The following PIP5KL1 variants were observed in gnomAD, a reference collection of about 807,000 sequenced individuals.
PIP5KL1 encodes phosphatidylinositol 4-phosphate 5-kinase-like protein 1.
PIP5KL1 carries 45 observed loss-of-function variants against 47.6 expected under a neutral mutation model. That is an observed-to-expected ratio of 0.94 (90% CI 0.74 to 1.21). PIP5KL1 has a LOEUF of 1.21. PIP5KL1 is among the 50% of genes most tolerant of loss of function. The pLI is 0.00. For missense variants in PIP5KL1, 577 were observed against 547.6 expected, an observed-to-expected ratio of 1.05 and a Z score of -0.54; for synonymous variants, 256 against 234.6, an observed-to-expected ratio of 1.09 and a Z score of -0.84.
intron 7 of PIP5KL1, among the ~76,000 whole-genome samples, 159 bp from the exon 8 acceptor site, chr9:127,926,138 TTCTC>T (rs1190425172): frequency 6.6e-6 from 1 of 151,814 alleles, no homozygotes; most frequent in Non-Finnish European, 1.5e-5. Context: ...CTTTCTTTCT[TTCTC>T]TCTTTTCTTT....
chr9:127,928,003 A>G (rs1831388174), intron 4 of PIP5KL1, 62 bp downstream of exon 4: 1 of 1,471,944 alleles, frequency 6.8e-7, no homozygotes, highest in East Asian at 2.5e-5. Flanking sequence ...GCCACTGGGA[A>G]TTCTGCCCTC....
At position 127,927,932 on chromosome 9, in the gene PIP5KL1, A is replaced by G. The variant is rs1003387196; in HGVS notation, c.434+133T>C. On this transcript the variant is annotated intron_variant, in intron 4 of 9. Transcript: ENST00000388747. The surrounding 1 kb of genome is among the most constrained non-coding windows in gnomAD (Gnocchi z 5.5). The stretch of plus-strand genomic sequence containing the variant: ...TCCTCTCCTCCCCGATCTGTCCACC[A>G]TCCGGCCCTGACCCTCCCAGATTAG... 3.4e-6 allele frequency: 5 copies of G among 1,452,800 alleles called. No homozygotes were observed. The highest frequency in any genetic ancestry group is 1.4e-5 in the African/African-American group (1 of 69,080). 90.0% of individuals were successfully genotyped at this position (1,452,800 alleles called of 1,614,324 possible).
intron 2 of PIP5KL1, chr9:127,928,737 G>A (rs1831398407): frequency 5.4e-6 from 3 of 556,186 alleles, no homozygotes; most frequent in South Asian, 4.2e-5. Flanking sequence ...CCAGCACCAG[G>A]CCATGAGTTC....
Position 127,927,711 on chromosome 9 carries a change from G to C in PIP5KL1, c.496C>G (p.His166Asp), listed in dbSNP as rs1298322498. ...GRREVQALLA[H>D]LPRYVQHLQR... ...AGGTGCTGCACGTAGCGGGGCAGGT[G>C]GGCGAGCAGAGCCTGCACCTCTCGG... Residue 166 changes from histidine (H) to aspartate (D), a missense_variant, in exon 5 of 10, where the codon CAC becomes GAC. Transcript: ENST00000388747. The surrounding 1 kb of genome is among the most constrained non-coding windows in gnomAD (Gnocchi z 5.5). The C allele has an allele frequency of 6.5e-7, 1 of 1,549,726 alleles. No individual in the cohort carries two copies. Among genetic ancestry groups the C allele is most frequent in the Admixed American group, 2.0e-5 (1 of 50,752 alleles).
At position 127,925,976 on chromosome 9, in the gene PIP5KL1, A is replaced by G. The variant is rs1379559829; in HGVS notation, c.654T>C (p.Tyr218=). The change falls in exon 8 of 10, where the codon TAT becomes TAC. Residue 218 remains tyrosine, a synonymous_variant. Transcript: ENST00000388747. ...FYPAGRISER[Y]DIKGCEVSRW... ...GGCTCACCTCGCAGCCTTTGATGTCATACCTGGGTGGGGGGACAGAATTCA... is the reference window on the plus strand; with the variant it reads ...GGCTCACCTCGCAGCCTTTGATGTCGTACCTGGGTGGGGGGACAGAATTCA... The G allele has an allele frequency of 1.2e-5, 19 of 1,608,868 alleles. No individual in the cohort carries two copies. The highest frequency in any genetic ancestry group is 1.5e-5 in the Non-Finnish European group (18 of 1,176,548).
At chr9:127,922,742 GAAAGA>G (rs1831306641) in intron 9 of PIP5KL1, among the ~76,000 whole-genome samples, 1 of 138,676 alleles carries the variant, frequency 7.2e-6, no homozygotes, top group South Asian at 2.4e-4. Context: ...GAAAAGAAAA[GAAAGA>G]AAAGAAAAAA....
chr9:127,924,368 T>A (rs1831329078), intron 9 of PIP5KL1, among the ~76,000 whole-genome samples: 1 of 151,814 alleles, frequency 6.6e-6, no homozygotes, highest in Non-Finnish European at 1.5e-5. Flanking sequence ...TGTGTGCCTG[T>A]AATCCCAGCT....
At chr9:127,925,510 G>A (rs529958785) in intron 8 of PIP5KL1, 9 of 505,844 alleles carry the variant, frequency 1.8e-5, no homozygotes, top group Admixed American at 3.5e-5. Flanking sequence ...CTGTCGCACA[G>A]GCTGGAGTGC....
In PIP5KL1 at chr9:127,927,645, T is replaced by C. The variant is rs1021092595; in HGVS notation, c.559+3A>G. On this transcript the variant is annotated splice_donor_region_variant and intron_variant, in intron 5 of 9. Coordinates refer to ENST00000388747, the MANE Select transcript of PIP5KL1 (RefSeq NM_001135219.2). The surrounding 1 kb of genome is among the most constrained non-coding windows in gnomAD (Gnocchi z 5.5). ...CCACCGAGCCCCGCCCCCAGCCAAGTACCCAGCAACCGCGCCAGCAGCGAG... is the reference window on the plus strand; with the variant it reads ...CCACCGAGCCCCGCCCCCAGCCAAGCACCCAGCAACCGCGCCAGCAGCGAG... The C allele has an allele frequency of 4.9e-5, 75 of 1,531,330 alleles. No individual in the cohort carries two copies. Among genetic ancestry groups the C allele is most frequent in the Non-Finnish European group, 6.5e-5 (74 of 1,144,288 alleles). 94.9% of individuals were successfully genotyped at this position (1,531,330 alleles called of 1,614,324 possible). A position where few individuals can be genotyped will look rare whatever the true frequency, so the allele number is the denominator to read the frequency against.
At chr9:127,923,814 G>A (rs1423210067) in intron 9 of PIP5KL1, among the ~76,000 whole-genome samples, 1 of 152,218 alleles carries the variant, frequency 6.6e-6, no homozygotes, top group Non-Finnish European at 1.5e-5. Context: ...GTGGGCCTGA[G>A]GGAACTGAAA....
In PIP5KL1 at chr9:127,928,448, T is replaced by C; in HGVS notation, c.264A>G (p.Leu88=). 6.2e-7 allele frequency: 1 copy of C among 1,600,668 alleles called. No homozygotes were observed. Residue 88 remains leucine (L), a synonymous_variant, in exon 3 of 10, where the codon CTA becomes CTG. Transcript: ENST00000388747. ...GGCCTCCTACCTCGTGAACCTGGGTTAGGACCTCCGAGAAATCGTCCCGGG... is the reference window on the plus strand; with the variant it reads ...GGCCTCCTACCTCGTGAACCTGGGTCAGGACCTCCGAGAAATCGTCCCGGG... ...PPSRDDFSEV[L]TQVHEGFELG...
Position 127,928,535 on chromosome 9 carries a change from G to A in PIP5KL1, c.229-52C>T, listed in dbSNP as rs1654576296. 23 of 1,486,096 alleles carry A rather than the reference G, an allele frequency of 1.5e-5. No homozygotes were observed. The East Asian group carries it at 5.5e-4, about 36-fold the overall frequency. 92.1% of individuals were successfully genotyped at this position (1,486,096 alleles called of 1,614,324 possible). ...GGCAACCCTCAGTCCCCTGCTGCCTGCCCCAGGATCTCCAGATGTCCTGCA... is the reference window on the plus strand; with the variant it reads ...GGCAACCCTCAGTCCCCTGCTGCCTACCCCAGGATCTCCAGATGTCCTGCA... On this transcript the variant is annotated intron_variant, in intron 2 of 9. Coordinates refer to ENST00000388747, the MANE Select transcript of PIP5KL1 (RefSeq NM_001135219.2).
chr9:127,926,355 C>G (rs1314260743), intron 7 of PIP5KL1, among the ~76,000 whole-genome samples: 1 of 151,952 alleles, frequency 6.6e-6, no homozygotes, highest in East Asian at 1.9e-4. Context: ...CTCCTGGGCT[C>G]AGGCAATCCT....
chr9:127,922,100 GCCC>G lies in PIP5KL1; in HGVS notation c.929_931del (p.Gly310del). ...GGCTCTCGACTCTTCCGGGCTCTGT[GCCC>G]CTTGCACAGACCTGGGGGCCGACAG... On this transcript the variant is annotated inframe_deletion, in exon 10 of 10. Transcript: ENST00000388747. 6.5e-7 allele frequency: 1 copy of G among 1,541,230 alleles called. No homozygotes were observed. Among genetic ancestry groups the G allele is most frequent in the Non-Finnish European group, 8.7e-7 (1 of 1,145,418 alleles).
chr9:127,926,459 A>G (rs1428944156), intron 7 of PIP5KL1, among the ~76,000 whole-genome samples: 2 of 152,038 alleles, frequency 1.3e-5, no homozygotes, highest in Non-Finnish European at 2.9e-5. Flanking sequence ...GTCTCACTCT[A>G]TTGCCCAGGG....
Position 127,922,030 on chromosome 9 carries a change from G to A in PIP5KL1, c.1002C>T (p.Ile334=), listed in dbSNP as rs1289349341. ...LLPDAPNALH[I]LDGPEQRYFL... ...AATAGCGCTGCTCGGGCCCGTCCAGGATGTGTAGGGCGTTGGGGGCGTCGG... is the reference window on the plus strand; with the variant it reads ...AATAGCGCTGCTCGGGCCCGTCCAGAATGTGTAGGGCGTTGGGGGCGTCGG... Residue 334 remains isoleucine (I), a synonymous_variant, in exon 10 of 10, where the codon ATC becomes ATT. Coordinates refer to ENST00000388747, the MANE Select transcript of PIP5KL1 (RefSeq NM_001135219.2). 7.0e-6 allele frequency: 11 copies of A among 1,574,746 alleles called. No individual in the cohort carries two copies. In the South Asian group the frequency reaches 1.3e-4, roughly 18 times the overall value.
intron 9 of PIP5KL1, among the ~76,000 whole-genome samples, chr9:127,924,598 G>A (rs1401110358): frequency 6.7e-6 from 1 of 150,242 alleles, no homozygotes; most frequent in Non-Finnish European, 1.5e-5. Context: ...AGAGGTTGCA[G>A]TGAGCCGAGA....
At position 127,927,875 on chromosome 9, in the gene PIP5KL1, G is replaced by C. The variant is rs1174419765; in HGVS notation, c.435-103C>G. 2.0e-6 allele frequency: 3 copies of C among 1,495,900 alleles called. No homozygotes were observed. The highest frequency in any genetic ancestry group is 1.4e-5 in the African/African-American group (1 of 70,200). 92.7% of individuals were successfully genotyped at this position (1,495,900 alleles called of 1,614,324 possible). A position where few individuals can be genotyped will look rare whatever the true frequency, so the allele number is the denominator to read the frequency against. On this transcript the variant is annotated intron_variant, in intron 4 of 9. Transcript: ENST00000388747. The surrounding 1 kb of genome is among the most constrained non-coding windows in gnomAD (Gnocchi z 5.5). ...CACGTGGATCTCGCTCCCAGGTCTC[G>C]GCACCGCCTCTCTCGCCTTCGGCCC...
rs1467352394 is a variant in PIP5KL1, at chr9:127,922,033, G to A, written c.999C>T (p.His333=). ...AGCGCTGCTCGGGCCCGTCCAGGAT[G>A]TGTAGGGCGTTGGGGGCGTCGGGCA... is the stretch of plus-strand genomic sequence containing the variant. ...RLLPDAPNAL[H]ILDGPEQRYF... is the part of the protein sequence containing the mutation. The change falls in exon 10 of 10, where the codon CAC becomes CAT. Residue 333 remains histidine (H), a synonymous_variant. Transcript: ENST00000388747. 3.8e-6 allele frequency: 6 copies of A among 1,573,828 alleles called. No individual in the cohort carries two copies. The Admixed American group carries it at 9.1e-5, about 24-fold the overall frequency.
Sources: allele counts gnomAD v4.1 joint callset (sites outside exome capture counted in the v4.1 genomes callset), GRCh38; gene constraint gnomAD v4.1.1; non-coding constraint Gnocchi (gnomAD v3.1); transcripts MANE v1.5; gene names NCBI Gene and HGNC (gene_info 2026-07-23, HGNC 2026-07-21).